ADAM32: variants seen among roughly 807,000 people sequenced by gnomAD.
The protein encoded by ADAM32 is disintegrin and metalloproteinase domain-containing protein 32.
Under a neutral mutation model 114.9 loss-of-function variants are expected in ADAM32, and 89 were observed. That is an observed-to-expected ratio of 0.77 (90% CI 0.65 to 0.92). ADAM32 has a LOEUF of 0.92. Among genes scored for constraint, ADAM32 ranks in the 40% least tolerant of loss-of-function variants. The pLI, the probability that ADAM32 is intolerant of heterozygous loss-of-function variation, is 0.00. For missense variants in ADAM32, 870 were observed against 932.8 expected (o/e 0.93, Z 0.88); for synonymous variants, 285 against 307.5 (o/e 0.93, Z 0.77).
rs575185741 is a variant in ADAM32 at position 39,199,092 on chromosome 8, T to C, written c.1052+12047T>C. ...AGAAATCTACATTTATTCTCATGGG[T>C]AGTCCTTTATACATGACTTGACATT... On this transcript the variant is annotated intron_variant, in intron 11 of 24. Coordinates refer to ENST00000379907, the MANE Select transcript of ADAM32 (RefSeq NM_145004.7). Among the ~76,000 whole-genome samples, 28 of 152,358 alleles carry C rather than the reference T, an allele frequency of 1.8e-4. No homozygotes were observed. In the East Asian group the frequency reaches 5.4e-3, roughly 29 times the overall value.
intron 10 of ADAM32, among the ~76,000 whole-genome samples, chr8:39,174,951 T>C (rs750370085): frequency 1.3e-5 from 2 of 152,184 alleles, no homozygotes; most frequent in Non-Finnish European, 2.9e-5. Flanking sequence ...GTAGCAACTG[T>C]GAGTGGGAGT....
chr8:39,209,244 T>G (rs1808052704), intron 11 of ADAM32, among the ~76,000 whole-genome samples: 1 of 152,250 alleles, frequency 6.6e-6, no homozygotes, highest in Non-Finnish European at 1.5e-5. Context: ...TTCCTTTTGT[T>G]TGATCACTTC....
In ADAM32 at chr8:39,278,707, C is replaced by T. The variant is rs371196116; in HGVS notation, c.2280-2429C>T. ...ATTAATACCTGCTAAGAGCTTAAAA[C>T]GTATTTATCAGTTGCTTTGCTCTCA... On this transcript the variant is annotated intron_variant, in intron 22 of 24. Transcript: ENST00000379907. 3.9e-4 allele frequency among the ~76,000 whole-genome samples: 59 copies of T among 151,824 alleles called. No homozygotes were observed. The South Asian group carries it at 8.1e-3, about 21-fold the overall frequency.
chr8:39,278,941 G>T (rs1813258889), intron 22 of ADAM32, among the ~76,000 whole-genome samples: 2 of 152,066 alleles, frequency 1.3e-5, no homozygotes, highest in Non-Finnish European at 2.9e-5. Context: ...GTAATATTCT[G>T]TTGTTGTAAT....
intron 6 of ADAM32, chr8:39,157,775 A>T (rs1804231218): frequency 7.2e-7 from 1 of 1,380,098 alleles, no homozygotes; most frequent in Non-Finnish European, 1.0e-6. Context: ...ACTTCACCAT[A>T]GTGGACAAAG....
intron 11 of ADAM32, among the ~76,000 whole-genome samples, chr8:39,194,450 C>T (rs573895539): frequency 1.3e-5 from 2 of 152,250 alleles, no homozygotes; most frequent in African/African-American, 4.8e-5. Context: ...GGTTCTCCTG[C>T]ACACACAGAC....
chr8:39,284,556 C>T (rs1813660360), intron 24 of ADAM32, among the ~76,000 whole-genome samples: 1 of 152,024 alleles, frequency 6.6e-6, no homozygotes, highest in African/African-American at 2.4e-5. Flanking sequence ...TTAATTTTTT[C>T]ATTTGCAAGT....
At chr8:39,181,373 C>T (rs948739589) in intron 10 of ADAM32, among the ~76,000 whole-genome samples, 11 of 152,234 alleles carry the variant, frequency 7.2e-5, no homozygotes, top group South Asian at 6.2e-4. Flanking sequence ...CCTGAGCCAG[C>T]GAGACCACGA....
intron 2 of ADAM32, among the ~76,000 whole-genome samples, chr8:39,131,304 G>A (rs1802440706): frequency 6.6e-6 from 1 of 152,086 alleles, no homozygotes. Context: ...GGGCAACATA[G>A]TGAGATCTCA....
chr8:39,160,251 A>T (rs1804413091), intron 6 of ADAM32, among the ~76,000 whole-genome samples: 1 of 152,230 alleles, frequency 6.6e-6, no homozygotes, highest in Non-Finnish European at 1.5e-5. Context: ...CAAAGGACAC[A>T]AATACAGAAA....
chr8:39,211,699 T>C (rs2129448372), intron 12 of ADAM32, among the ~76,000 whole-genome samples: 1 of 152,336 alleles, frequency 6.6e-6, no homozygotes, highest in Non-Finnish European at 1.5e-5. Context: ...CACAATGGAA[T>C]CAGTAGTACA....
At chr8:39,198,365 T>C (rs1585516966) in intron 11 of ADAM32, among the ~76,000 whole-genome samples, 1 of 152,256 alleles carries the variant, frequency 6.6e-6, no homozygotes, top group South Asian at 2.1e-4. Flanking sequence ...ATTGATATAT[T>C]CTTTCTTTCA....
intron 11 of ADAM32, among the ~76,000 whole-genome samples, chr8:39,201,034 A>G (rs200905123): frequency 6.6e-6 from 1 of 151,942 alleles, no homozygotes; most frequent in Non-Finnish European, 1.5e-5. Context: ...TAGCCTTGTA[A>G]TATAGTTTGA....
At chr8:39,108,010 AC>A in intron 1 of ADAM32, 177 bp downstream of exon 1, 1 of 808,544 alleles carries the variant, frequency 1.2e-6, no homozygotes, top group Non-Finnish European at 1.8e-6. Context: ...AGGGCCCAGC[AC>A]CAGGGCTCAC....
At chr8:39,197,040 T>C (rs969295829) in intron 11 of ADAM32, among the ~76,000 whole-genome samples, 1 of 152,088 alleles carries the variant, frequency 6.6e-6, no homozygotes, top group African/African-American at 2.4e-5. Flanking sequence ...ATTGTTCAGG[T>C]TTTCTATTTC....
intron 10 of ADAM32, among the ~76,000 whole-genome samples, chr8:39,178,732 ATTG>A (rs941474762): frequency 6.6e-6 from 1 of 151,554 alleles, no homozygotes; most frequent in Non-Finnish European, 1.5e-5. Context: ...TTTTGATGTT[ATTG>A]TTGTGGCTTT....
chr8:39,247,778 G>GTT (rs34655354), intron 17 of ADAM32, among the ~76,000 whole-genome samples: 22 of 139,576 alleles, frequency 1.6e-4, no homozygotes, highest in African/African-American at 4.7e-4. Context: ...GGTCATCCAG[G>GTT]TTTTTTTTTT....
At chr8:39,120,116 G>C (rs992204983) in intron 2 of ADAM32, among the ~76,000 whole-genome samples, 3 of 152,200 alleles carry the variant, frequency 2.0e-5, no homozygotes, top group Non-Finnish European at 4.4e-5. Flanking sequence ...CCAGAACTGT[G>C]AGAAAATACA....
At chr8:39,149,933 C>T in intron 5 of ADAM32, 66 bp downstream of exon 5, 10 of 1,365,240 alleles carry the variant, frequency 7.3e-6, no homozygotes, top group Middle Eastern at 3.6e-4. Flanking sequence ...AATTTGTTCT[C>T]TTTGTATTAA....
Sources: allele counts gnomAD v4.1 joint callset (sites outside exome capture counted in the v4.1 genomes callset), GRCh38; gene constraint gnomAD v4.1.1; transcripts MANE v1.5; gene names NCBI Gene and HGNC (gene_info 2026-07-23, HGNC 2026-07-21).